The following GDPD5 variants were observed in gnomAD, a reference collection of about 807,000 sequenced individuals.
GDPD5 encodes glycerophosphodiester phosphodiesterase 2.
Under a neutral mutation model 75.1 loss-of-function variants are expected in GDPD5, and 48 were observed. The ratio of observed to expected loss-of-function variants is 0.64; its 90% CI spans 0.51 to 0.81. The LOEUF is 0.81. Among genes scored for constraint, GDPD5 ranks in the 40% least tolerant of loss-of-function variants. GDPD5 has a pLI of 0.00. For missense variants in GDPD5, 706 were observed against 822.6 expected, an observed-to-expected ratio of 0.86 and a Z score of 1.73; for synonymous variants, 336 against 339.0, an observed-to-expected ratio of 0.99 and a Z score of 0.10.
chr11:75,441,233 G>A lies in GDPD5; in HGVS notation c.1403C>T (p.Ala468Val), dbSNP rs759888643. 8.7e-6 allele frequency: 14 copies of A among 1,613,882 alleles called. No homozygotes were observed. The East Asian group carries it at 2.2e-4, about 26-fold the overall frequency. ...APWLFSLLWC[A>V]GVPSVTSDNS... Reference sequence around the variant, plus strand: ...GTCAGAGGTGACGGATGGGACCCCCGCACACCACAGCAGGGAGAAGAGCCA... The same window carrying A: ...GTCAGAGGTGACGGATGGGACCCCCACACACCACAGCAGGGAGAAGAGCCA... Residue 468 changes from alanine to valine, a missense_variant, in exon 14 of 17, where the codon GCG becomes GTG. Ala to Val is a moderately conservative substitution (Grantham distance 64). Coordinates refer to ENST00000336898, the MANE Select transcript of GDPD5 (RefSeq NM_030792.8).
At chr11:75,462,497 T>C (rs1348148604) in intron 4 of GDPD5, among the ~76,000 whole-genome samples, 1 of 152,214 alleles carries the variant, frequency 6.6e-6, no homozygotes, top group Non-Finnish European at 1.5e-5. Flanking sequence ...CCTCGGGGCA[T>C]GGATCTCTCT....
chr11:75,442,198 C>T (rs1412163805), intron 12 of GDPD5, among the ~76,000 whole-genome samples, 165 bp downstream of exon 12: 1 of 152,226 alleles, frequency 6.6e-6, no homozygotes, highest in Non-Finnish European at 1.5e-5. Context: ...TTTCTTGTTC[C>T]CCTCTTGTCC....
chr11:75,522,239 C>T (rs1941489525), intron 1 of GDPD5, among the ~76,000 whole-genome samples: 1 of 152,196 alleles, frequency 6.6e-6, no homozygotes, highest in South Asian at 2.1e-4. Context: ...GAGAAGTGGA[C>T]ATCACAACCG....
At position 75,509,943 on chromosome 11, in the gene GDPD5, G is replaced by A. The variant is rs542239649; in HGVS notation, c.-145+15267C>T. Among the ~76,000 whole-genome samples, 3 of 152,350 alleles carry A rather than the reference G, an allele frequency of 2.0e-5. No homozygotes were observed. The East Asian group carries it at 5.8e-4, about 29-fold the overall frequency. On this transcript the variant is annotated intron_variant, in intron 1 of 16. Coordinates refer to ENST00000336898, the MANE Select transcript of GDPD5 (RefSeq NM_030792.8). ...GATCTGCCCGCCTCGGCCTCCCAAA[G>A]TGTTGGGATTATAGGCATGAGCTAC...
intron 3 of GDPD5, among the ~76,000 whole-genome samples, chr11:75,467,334 G>A (rs991988361): frequency 2.6e-5 from 4 of 152,194 alleles, no homozygotes; most frequent in Non-Finnish European, 5.9e-5. Flanking sequence ...TAATGAGGGT[G>A]GCTCACTGGG....
At chr11:75,444,326 G>T in intron 10 of GDPD5, 87 bp downstream of exon 10, 1 of 963,822 alleles carries the variant, frequency 1.0e-6, no homozygotes, top group South Asian at 1.3e-5. Context: ...GAGGCTCTGA[G>T]ACCAGAGGTT....
intron 6 of GDPD5, chr11:75,456,521 C>T: frequency 1.8e-6 from 1 of 566,486 alleles, no homozygotes; most frequent in Non-Finnish European, 3.2e-6. Flanking sequence ...GTTTCCCCAA[C>T]CACAAAATGG....
chr11:75,441,079 A>T, intron 14 of GDPD5, 84 bp downstream of exon 14: 1 of 1,402,546 alleles, frequency 7.1e-7, no homozygotes, highest in Non-Finnish European at 1.0e-6. Flanking sequence ...GGACAGCTCC[A>T]AGCACAGAGC....
At chr11:75,444,383 G>A (rs1948929304) in intron 10 of GDPD5, 30 bp downstream of exon 10, 5 of 1,532,798 alleles carry the variant, frequency 3.3e-6, no homozygotes, top group Non-Finnish European at 4.5e-6. Context: ...GGGAGGGGTA[G>A]AGGAACTATC....
chr11:75,475,698 T>C (rs989127159), intron 3 of GDPD5, among the ~76,000 whole-genome samples: 1 of 152,140 alleles, frequency 6.6e-6, no homozygotes, highest in Non-Finnish European at 1.5e-5. Context: ...AGCTGTGAGT[T>C]TGGGGTCACC....
intron 1 of GDPD5, among the ~76,000 whole-genome samples, chr11:75,504,139 G>GT (rs755571306): frequency 6.6e-6 from 1 of 152,216 alleles, no homozygotes; most frequent in Non-Finnish European, 1.5e-5. Flanking sequence ...ATGGGTGCAG[G>GT]TGAGCTGTGG....
Position 75,455,276 on chromosome 11 carries a change from G to A in GDPD5, c.375+1481C>T, listed in dbSNP as rs1436984220. ...AGCCCCACCCGGGGTGCCAGCTGGT[G>A]CAGTTCTTTCAAATGCCAGCTTTGC... On this transcript the variant is annotated intron_variant, in intron 6 of 16. Coordinates refer to ENST00000336898, the MANE Select transcript of GDPD5 (RefSeq NM_030792.8). 6 of 454,862 alleles carry A rather than the reference G, an allele frequency of 1.3e-5. 1 individual carries two copies. The highest frequency in any genetic ancestry group is 6.1e-4 in the Middle Eastern group (1 of 1,632). 28.2% of individuals were successfully genotyped at this position (454,862 alleles called of 1,614,324 possible).
chr11:75,507,490 G>A (rs1300180754), intron 1 of GDPD5, among the ~76,000 whole-genome samples: 2 of 152,244 alleles, frequency 1.3e-5, no homozygotes, highest in Admixed American at 1.3e-4. Flanking sequence ...CCAGGCTGGG[G>A]GGCACTGGCT....
rs778484378 is a variant in GDPD5 at position 75,449,603 on chromosome 11, G to A, written c.482C>T (p.Ala161Val). 2.8e-5 allele frequency: 44 copies of A among 1,576,642 alleles called. No homozygotes were observed. Among genetic ancestry groups the A allele is most frequent in the African/African-American group, 4.0e-5 (3 of 74,440 alleles). ...EVLLISLQGT[A>V]PFLHVGAVAA... ...CACAGCCCCCACATGCAGGAATGGC[G>A]CTGTGCCCTGTTTGCAGGGAGAGGG... The change falls in exon 8 of 17, where the codon GCG (alanine) becomes GTG (valine). Residue 161 changes from alanine (A) to valine (V), a missense_variant. Transcript: ENST00000336898.
chr11:75,467,826 C>T (rs566017845), intron 3 of GDPD5, among the ~76,000 whole-genome samples: 17 of 152,148 alleles, frequency 1.1e-4, no homozygotes, highest in Non-Finnish European at 2.1e-4. Context: ...GGAGCCCCTC[C>T]GTAGCAATCT....
Position 75,517,062 on chromosome 11 carries a change from C to T in GDPD5, c.-145+8148G>A, listed in dbSNP as rs11236446. 2.5e-3 allele frequency among the ~76,000 whole-genome samples: 374 copies of T among 152,258 alleles called. 1 individual carries two copies. Among genetic ancestry groups the T allele is most frequent in the African/African-American group, 8.7e-3 (363 of 41,540 alleles). On this transcript the variant is annotated intron_variant, in intron 1 of 16. Coordinates refer to ENST00000336898, the MANE Select transcript of GDPD5 (RefSeq NM_030792.8). ...CTCTTGGCCCATCCTATGGAACTTG[C>T]GGGCCAAACAGAGGATTGAGGTCTG...
intron 1 of GDPD5, among the ~76,000 whole-genome samples, chr11:75,495,308 T>A (rs920911144): frequency 1.9e-4 from 28 of 149,524 alleles, no homozygotes; most frequent in Non-Finnish European, 3.7e-4. Flanking sequence ...GAATTTAATT[T>A]TATATATATA....
At position 75,443,176 on chromosome 11, in the gene GDPD5, G is replaced by C. The variant is rs1290184893; in HGVS notation, c.908C>G (p.Thr303Ser). The C allele has an allele frequency of 2.5e-6, 4 of 1,605,566 alleles. No individual in the cohort carries two copies. In the South Asian group the frequency reaches 3.4e-5, roughly 14 times the overall value. Residue 303 changes from threonine (T) to serine (S), a missense_variant, in exon 11 of 17, where the codon ACC becomes AGC. Physicochemically the swap from Thr to Ser is moderately conservative, Grantham distance 58 (BLOSUM62 1). Coordinates refer to ENST00000336898, the MANE Select transcript of GDPD5 (RefSeq NM_030792.8). ...GCCAGCGTTGAGTCTCTGCAGGGTG[G>C]TCCAGTTAAGCATGGAGGCAGGCCT... ...ARRPASMLNWTTLQRLNAGQW... is the reference protein window; with the variant it reads ...ARRPASMLNWSTLQRLNAGQW...
At chr11:75,516,333 G>A (rs1950638819) in intron 1 of GDPD5, among the ~76,000 whole-genome samples, 1 of 152,190 alleles carries the variant, frequency 6.6e-6, no homozygotes, top group Non-Finnish European at 1.5e-5. Context: ...GTCCCTCGGT[G>A]CTGCACTATC....
Sources: allele counts gnomAD v4.1 joint callset (sites outside exome capture counted in the v4.1 genomes callset), GRCh38; gene constraint gnomAD v4.1.1; transcripts MANE v1.5; gene names NCBI Gene and HGNC (gene_info 2026-07-23, HGNC 2026-07-21).